PLD5: variants seen among roughly 807,000 people sequenced by gnomAD.
PLD5 encodes phospholipase D family member 5.
A neutral mutation model predicts 61.1 loss-of-function variants in PLD5; 36 were observed. That is an observed-to-expected ratio of 0.59 (90% CI 0.45 to 0.78). The LOEUF is 0.78. PLD5 is among the 30% of genes least tolerant of loss of function. The probability of loss-of-function intolerance (pLI) is 0.00; values close to 1 mark genes in which losing one functional copy is unlikely to be tolerated. For synonymous variants in PLD5, 243 were observed against 242.8 expected, an observed-to-expected ratio of 1.00 and a Z score of -0.01; for missense variants, 515 against 644.4, an observed-to-expected ratio of 0.80 and a Z score of 2.17.
At chr1:242,291,051 C>T (rs936564888) in intron 2 of PLD5, among the ~76,000 whole-genome samples, 1 of 152,124 alleles carries the variant, frequency 6.6e-6, no homozygotes, top group African/African-American at 2.4e-5. Flanking sequence ...GATTCAAATG[C>T]CCTTTGTGAA....
At chr1:242,375,210 G>A (rs1661877130) in intron 1 of PLD5, among the ~76,000 whole-genome samples, 1 of 152,336 alleles carries the variant, frequency 6.6e-6, no homozygotes, top group Middle Eastern at 3.4e-3. Context: ...GTGTACGGCT[G>A]CATCTGGAGG....
At chr1:242,108,320 C>T (rs1661224427) in intron 7 of PLD5, among the ~76,000 whole-genome samples, 1 of 152,192 alleles carries the variant, frequency 6.6e-6, no homozygotes, top group Non-Finnish European at 1.5e-5. Flanking sequence ...GACTGTCTTA[C>T]CGTGGTGTCT....
At chr1:242,325,178 C>T (rs1395511254) in intron 2 of PLD5, among the ~76,000 whole-genome samples, 1 of 151,922 alleles carries the variant, frequency 6.6e-6, no homozygotes, top group East Asian at 1.9e-4. Context: ...TCCTACACCT[C>T]CAGAAAGTGG....
At chr1:242,096,172 A>T (rs866505105) in intron 9 of PLD5, among the ~76,000 whole-genome samples, 2 of 151,696 alleles carry the variant, frequency 1.3e-5, no homozygotes, top group South Asian at 4.2e-4. Context: ...GTTAGCCAGG[A>T]TGGTCTCAAT....
chr1:242,418,501 G>A (rs981470355), intron 1 of PLD5, among the ~76,000 whole-genome samples: 7 of 152,032 alleles, frequency 4.6e-5, no homozygotes, highest in African/African-American at 1.7e-4. Context: ...AAGTGCCCCA[G>A]GTCACTTCAA....
At chr1:242,520,042 T>C (rs1479301656) in intron 1 of PLD5, among the ~76,000 whole-genome samples, 1 of 152,232 alleles carries the variant, frequency 6.6e-6, no homozygotes, top group Non-Finnish European at 1.5e-5. Flanking sequence ...TGGTCACAGA[T>C]GTTCCCTTCC....
At chr1:242,504,593 T>C (rs1668662208) in intron 1 of PLD5, among the ~76,000 whole-genome samples, 1 of 152,228 alleles carries the variant, frequency 6.6e-6, no homozygotes, top group South Asian at 2.1e-4. Context: ...TTAACTGTGA[T>C]ATCTAAAAAT....
chr1:242,481,949 G>A (rs551227402), intron 1 of PLD5, among the ~76,000 whole-genome samples: 56 of 152,268 alleles, frequency 3.7e-4, no homozygotes, highest in Middle Eastern at 3.4e-3. Flanking sequence ...AGGAAAACAG[G>A]GTCTGGAGTG....
At chr1:242,334,395 T>C (rs1483165189) in intron 2 of PLD5, among the ~76,000 whole-genome samples, 1 of 152,186 alleles carries the variant, frequency 6.6e-6, no homozygotes, top group Non-Finnish European at 1.5e-5. Context: ...TGATTGAAGA[T>C]GCTCATATTA....
At chr1:242,219,291 G>A (rs1288665992) in intron 5 of PLD5, among the ~76,000 whole-genome samples, 1 of 152,140 alleles carries the variant, frequency 6.6e-6, no homozygotes, top group East Asian at 1.9e-4. Context: ...GAGCTGTGGG[G>A]AAATAATGGG....
intron 7 of PLD5, among the ~76,000 whole-genome samples, chr1:242,109,535 A>C (rs768331815): frequency 1.3e-5 from 2 of 152,204 alleles, no homozygotes; most frequent in African/African-American, 4.8e-5. Context: ...AAGCTCCACA[A>C]AGTCACAAGA....
At chr1:242,324,181 G>A (rs980600235) in intron 2 of PLD5, among the ~76,000 whole-genome samples, 4 of 151,926 alleles carry the variant, frequency 2.6e-5, no homozygotes, top group Non-Finnish European at 4.4e-5. Flanking sequence ...ACTACTTTCA[G>A]GCAAATGACA....
chr1:242,480,478 C>A (rs1357252537), intron 1 of PLD5, among the ~76,000 whole-genome samples: 1 of 149,504 alleles, frequency 6.7e-6, no homozygotes, highest in African/African-American at 2.4e-5. Flanking sequence ...ACAACAATAA[C>A]CATTAAAAAA....
In PLD5 at chr1:242,085,219, T is replaced by C. The variant is rs976433858; in HGVS notation, c.*4635A>G. On this transcript the variant is annotated 3_prime_UTR_variant, in exon 10 of 10. Transcript: ENST00000536534. ...GAACATAGCAAAAGAAAATGTGTAA[T>C]AGTCTATTAAATGTAACTTTTTTTT... 6.6e-6 allele frequency: 1 copy of C among 152,184 alleles called. No homozygotes were observed. The highest frequency in any genetic ancestry group is 2.4e-5 in the African/African-American group (1 of 41,456). 9.4% of individuals were successfully genotyped at this position (152,184 alleles called of 1,614,324 possible). A position where few individuals can be genotyped will look rare whatever the true frequency, so the allele number is the denominator to read the frequency against.
At chr1:242,251,089 A>T (rs1672674580) in intron 4 of PLD5, among the ~76,000 whole-genome samples, 1 of 152,204 alleles carries the variant, frequency 6.6e-6, no homozygotes, top group South Asian at 2.1e-4. Flanking sequence ...TGGTGCATCC[A>T]TTTCATTTTG....
intron 1 of PLD5, among the ~76,000 whole-genome samples, chr1:242,455,132 CAA>C (rs1461883762): frequency 5.9e-5 from 9 of 152,254 alleles, no homozygotes; most frequent in East Asian, 1.9e-4. Context: ...TCAAACTGCT[CAA>C]GTTTTTCACA....
chr1:242,323,523 G>A (rs1426176567), intron 2 of PLD5, among the ~76,000 whole-genome samples: 2 of 152,166 alleles, frequency 1.3e-5, no homozygotes, highest in Non-Finnish European at 2.9e-5. Flanking sequence ...GCCTTGAAGA[G>A]TGAATACGCC....
chr1:242,354,627 C>T (rs1488954429), intron 1 of PLD5, among the ~76,000 whole-genome samples: 2 of 152,038 alleles, frequency 1.3e-5, no homozygotes, highest in Non-Finnish European at 2.9e-5. Flanking sequence ...TTATTTCTTT[C>T]TCTTAACTTA....
intron 1 of PLD5, among the ~76,000 whole-genome samples, chr1:242,372,337 G>A (rs1661685222): frequency 6.6e-6 from 1 of 152,096 alleles, no homozygotes; most frequent in Non-Finnish European, 1.5e-5. Context: ...TGGATAGGAA[G>A]AATCAATATC....
Sources: gnomAD v4.1 joint callset for allele counts (sites outside exome capture counted in the v4.1 genomes callset) on GRCh38, gnomAD v4.1.1 for gene constraint, MANE v1.5 for transcripts, NCBI Gene and HGNC (gene_info 2026-07-23, HGNC 2026-07-21) for gene names.